Variants in ARMH3 observed in about 807,000 individuals in gnomAD.
The protein encoded by ARMH3 is armadillo like helical domain containing 3.
In ARMH3, 60 loss-of-function variants were observed where a neutral mutation model predicts 99.1. The ratio of observed to expected loss-of-function variants is 0.61; its 90% CI spans 0.49 to 0.75. The LOEUF (loss-of-function observed/expected upper bound fraction) is 0.75, where lower values mean the gene tolerates loss of function less well. Among genes scored for constraint, ARMH3 ranks in the 30% least tolerant of loss-of-function variants. The pLI, the probability that ARMH3 is intolerant of heterozygous loss-of-function variation, is 0.00. For synonymous variants in ARMH3, 285 were observed against 292.8 expected, an observed-to-expected ratio of 0.97 and a Z score of 0.27; for missense variants, 679 against 843.1, an observed-to-expected ratio of 0.81 and a Z score of 2.41.
intron 24 of ARMH3, among the ~76,000 whole-genome samples, chr10:101,873,696 T>C (rs189411781): frequency 2.0e-5 from 3 of 152,322 alleles, no homozygotes; most frequent in Non-Finnish European, 2.9e-5. Flanking sequence ...TCTGTCTCTA[T>C]AGATTTTCTG....
chr10:102,027,153 C>T (rs561416685), intron 5 of ARMH3, among the ~76,000 whole-genome samples: 6 of 152,160 alleles, frequency 3.9e-5, no homozygotes, highest in Non-Finnish European at 7.4e-5. Flanking sequence ...GTGGCGCATG[C>T]CTGTAATCCC....
At chr10:102,041,545 T>C (rs1479395785) in intron 1 of ARMH3, among the ~76,000 whole-genome samples, 1 of 152,244 alleles carries the variant, frequency 6.6e-6, no homozygotes, top group Non-Finnish European at 1.5e-5. Flanking sequence ...GATTGTATCT[T>C]AGACATTGTC....
At chr10:101,992,868 T>A (rs552392051) in intron 17 of ARMH3, among the ~76,000 whole-genome samples, 1 of 152,256 alleles carries the variant, frequency 6.6e-6, no homozygotes, top group East Asian at 1.9e-4. Flanking sequence ...TGCCCACTTC[T>A]CAGATGAACA....
chr10:102,009,030 G>C (rs942983465), intron 13 of ARMH3, among the ~76,000 whole-genome samples: 3 of 152,198 alleles, frequency 2.0e-5, no homozygotes, highest in African/African-American at 7.2e-5. Context: ...TAATTCCACA[G>C]TGGTGTGGAA....
chr10:102,020,846 T>A (rs1334909164), intron 8 of ARMH3, among the ~76,000 whole-genome samples: 3 of 126,864 alleles, frequency 2.4e-5, no homozygotes, highest in East Asian at 4.4e-4. Flanking sequence ...AGACTCTGTC[T>A]CAAAAAAAAA....
chr10:101,950,379 A>G (rs1844731141), intron 22 of ARMH3, among the ~76,000 whole-genome samples: 1 of 152,220 alleles, frequency 6.6e-6, no homozygotes, highest in African/African-American at 2.4e-5. Context: ...GGACAGTCAA[A>G]CAGTGTGGCA....
intron 9 of ARMH3, 132 bp downstream of exon 9, chr10:102,013,836 T>C: frequency 1.3e-6 from 1 of 742,660 alleles, no homozygotes; most frequent in Non-Finnish European, 2.2e-6. Flanking sequence ...AAAAGAAATA[T>C]TAATTCCCTC....
rs1322485393 is a variant in ARMH3 at position 102,007,172 on chromosome 10, A to AG, written c.955-540_955-539insC. On this transcript the variant is annotated intron_variant, in intron 13 of 25. Transcript: ENST00000370033. ...AAGACTCTATCTCAAAAAAAAAAAAAAAAAAAGAAAAAAAAAGCTGAGAAG... is the reference window on the plus strand; with the variant it reads ...AAGACTCTATCTCAAAAAAAAAAAAAGAAAAAAGAAAAAAAAAGCTGAGAAG... Among the ~76,000 whole-genome samples the AG allele has an allele frequency of 8.7e-5, 13 of 149,460 alleles. 1 individual carries two copies. The highest frequency in any genetic ancestry group is 2.9e-4 in the African/African-American group (12 of 40,800).
chr10:101,889,606 G>C (rs2067638666), intron 23 of ARMH3, 116 bp from the exon 24 acceptor site: 2 of 927,302 alleles, frequency 2.2e-6, no homozygotes. Context: ...GACCGATTGT[G>C]ACTGGGTAAC....
intron 16 of ARMH3, 70 bp downstream of exon 16, chr10:101,995,227 G>C: frequency 7.6e-7 from 1 of 1,318,158 alleles, no homozygotes; most frequent in South Asian, 1.2e-5. Flanking sequence ...CAGTAATGGG[G>C]TGAGGGGAGG....
At chr10:101,943,927 G>A (rs1844355262) in intron 22 of ARMH3, among the ~76,000 whole-genome samples, 1 of 151,570 alleles carries the variant, frequency 6.6e-6, no homozygotes. Flanking sequence ...AGCCGGGTGT[G>A]GTGGCGGACA....
At chr10:101,939,781 T>C in intron 23 of ARMH3, 82 bp downstream of exon 23, 1 of 1,231,902 alleles carries the variant, frequency 8.1e-7, no homozygotes, top group Non-Finnish European at 1.2e-6. Context: ...AGTAGTAGTG[T>C]TCAACACACT....
intron 18 of ARMH3, 144 bp downstream of exon 18, chr10:101,991,825 A>C (rs1225219649): frequency 1.0e-5 from 9 of 888,918 alleles, no homozygotes; most frequent in Non-Finnish European, 1.4e-5. Flanking sequence ...ACACAACAAT[A>C]AACATGATTC....
At chr10:102,023,335 A>AT in intron 8 of ARMH3, 142 bp downstream of exon 8, 3 of 753,860 alleles carry the variant, frequency 4.0e-6, no homozygotes, top group Non-Finnish European at 4.2e-6. Context: ...TTAATATAGG[A>AT]TTTTTAGAAT....
chr10:101,919,556 C>A (rs1843222038), intron 23 of ARMH3, among the ~76,000 whole-genome samples: 1 of 152,124 alleles, frequency 6.6e-6, no homozygotes, highest in Admixed American at 6.5e-5. Context: ...TCTTAGCAGA[C>A]CCCTGTAGGC....
intron 23 of ARMH3, among the ~76,000 whole-genome samples, chr10:101,911,534 C>T (rs1200473016): frequency 6.6e-6 from 1 of 152,048 alleles, no homozygotes; most frequent in Non-Finnish European, 1.5e-5. Flanking sequence ...GCCAGGAGTT[C>T]GAGATCAGCA....
chr10:101,875,543 T>TA lies in ARMH3; in HGVS notation c.1860+13868dup, dbSNP rs1376826263. Among the ~76,000 whole-genome samples the TA allele has an allele frequency of 2.6e-5, 4 of 152,320 alleles. No individual in the cohort carries two copies. In the East Asian group the frequency reaches 7.7e-4, roughly 29 times the overall value. On this transcript the variant is annotated intron_variant, in intron 24 of 25. Transcript: ENST00000370033. ...CCCCCCTTTCTATTTTCATTTCCTA[T>TA]ACTTCAGGACCAAACCCAGTTTCAG...
chr10:101,924,227 T>C (rs1322154991), intron 23 of ARMH3, among the ~76,000 whole-genome samples: 1 of 152,070 alleles, frequency 6.6e-6, no homozygotes, highest in Non-Finnish European at 1.5e-5. Flanking sequence ...GTGTTGCATA[T>C]AGGTTAGTTT....
At chr10:102,028,810 T>C (rs1386540003) in intron 5 of ARMH3, among the ~76,000 whole-genome samples, 8 of 152,210 alleles carry the variant, frequency 5.3e-5, no homozygotes, top group African/African-American at 1.9e-4. Flanking sequence ...GTTCTGAAAT[T>C]AATAGTGATG....
Sources: allele counts gnomAD v4.1 joint callset (sites outside exome capture counted in the v4.1 genomes callset), GRCh38; gene constraint gnomAD v4.1.1; transcripts MANE v1.5; gene names NCBI Gene and HGNC (gene_info 2026-07-23, HGNC 2026-07-21).